PPP1R13B: variants seen among roughly 807,000 people sequenced by gnomAD.
The protein encoded by PPP1R13B is protein phosphatase 1 regulatory subunit 13B.
A neutral mutation model predicts 119.8 loss-of-function variants in PPP1R13B; 44 were observed. The observed-to-expected ratio is 0.37, with a 90% CI of 0.29 to 0.47. The LOEUF is 0.47. Among genes scored for constraint, PPP1R13B ranks in the 20% least tolerant of loss-of-function variants. PPP1R13B has a pLI of 0.99. For missense variants in PPP1R13B, 1,227 were observed against 1,413.5 expected, an observed-to-expected ratio of 0.87 and a Z score of 2.12; for synonymous variants, 542 against 561.5, an observed-to-expected ratio of 0.97 and a Z score of 0.49.
intron 1 of PPP1R13B, among the ~76,000 whole-genome samples, chr14:103,817,468 C>A (rs951046349): frequency 6.6e-6 from 1 of 151,180 alleles, no homozygotes; most frequent in African/African-American, 2.4e-5. Context: ...AAAAGTGAAA[C>A]CTAAAGGTTT....
At chr14:103,762,993 A>C (rs1186489636) in intron 4 of PPP1R13B, 17 of 1,426,988 alleles carry the variant, frequency 1.2e-5, no homozygotes, top group South Asian at 3.6e-5. Context: ...AAGAAAGACA[A>C]ACGGCAAAAT....
chr14:103,741,169 G>A (rs984029296), intron 11 of PPP1R13B, among the ~76,000 whole-genome samples: 6 of 152,236 alleles, frequency 3.9e-5, no homozygotes, highest in Non-Finnish European at 8.8e-5. Flanking sequence ...TGCAGCCAAT[G>A]CCCAGGAATG....
At chr14:103,781,712 C>T (rs1420532859) in intron 3 of PPP1R13B, among the ~76,000 whole-genome samples, 1 of 152,054 alleles carries the variant, frequency 6.6e-6, no homozygotes, top group African/African-American at 2.4e-5. Context: ...AGTGTAGTGG[C>T]GCGATCTCAG....
intron 2 of PPP1R13B, among the ~76,000 whole-genome samples, chr14:103,791,124 C>CTTCTT (rs140148659): frequency 6.9e-6 from 1 of 145,000 alleles, no homozygotes. Context: ...CTTTTTTCTT[C>CTTCTT]TTTTTTTTTT....
intron 1 of PPP1R13B, chr14:103,846,823 T>A (rs1471271356): frequency 2.1e-6 from 1 of 465,260 alleles, no homozygotes; most frequent in African/African-American, 2.0e-5. Flanking sequence ...GCTCTCCAAA[T>A]CCGTGCACTC....
chr14:103,737,495 G>T, intron 15 of PPP1R13B, 199 bp downstream of exon 15: 1 of 568,606 alleles, frequency 1.8e-6, no homozygotes, highest in Non-Finnish European at 2.9e-6. Flanking sequence ...AGGATCAATT[G>T]AGCCCGGGAG....
At chr14:103,754,008 C>T in intron 6 of PPP1R13B, 62 bp downstream of exon 6, 2 of 1,548,720 alleles carry the variant, frequency 1.3e-6, no homozygotes, top group Middle Eastern at 1.9e-4. Flanking sequence ...GGCAGTTAGA[C>T]TATGTTTCAC....
At chr14:103,826,215 T>C (rs2086537920) in intron 1 of PPP1R13B, among the ~76,000 whole-genome samples, 2 of 152,154 alleles carry the variant, frequency 1.3e-5, no homozygotes. Context: ...AAAAAATTTG[T>C]GTGACTCACT....
chr14:103,764,723 C>T (rs571840226), intron 4 of PPP1R13B, among the ~76,000 whole-genome samples: 2 of 151,864 alleles, frequency 1.3e-5, no homozygotes, highest in Admixed American at 1.3e-4. Context: ...TGTTTGGTTC[C>T]TTTTTCGGTC....
intron 8 of PPP1R13B, 57 bp downstream of exon 8, chr14:103,749,737 G>C: frequency 6.5e-7 from 1 of 1,548,486 alleles, no homozygotes. Flanking sequence ...CAGAAGATGG[G>C]CAATGCTTGG....
intron 4 of PPP1R13B, chr14:103,764,598 A>G (rs972754389): frequency 2.9e-5 from 5 of 174,638 alleles, no homozygotes; most frequent in African/African-American, 1.2e-4. Flanking sequence ...GAAAGTTTCA[A>G]AATGCTTATT....
At chr14:103,750,335 G>A (rs57361530) in intron 7 of PPP1R13B, among the ~76,000 whole-genome samples, 3,375 of 152,288 alleles carry the variant, frequency 0.022, 118 homozygotes, top group African/African-American at 0.077. Flanking sequence ...AAAAAGGATG[G>A]CCTGAGTCAC....
At chr14:103,834,496 A>T (rs1460284456) in intron 1 of PPP1R13B, among the ~76,000 whole-genome samples, 4 of 151,936 alleles carry the variant, frequency 2.6e-5, no homozygotes, top group Non-Finnish European at 2.9e-5. Flanking sequence ...GACTGACAGG[A>T]CACTGCATGA....
chr14:103,846,090 T>C (rs2087024306), intron 1 of PPP1R13B, among the ~76,000 whole-genome samples: 1 of 152,224 alleles, frequency 6.6e-6, no homozygotes, highest in African/African-American at 2.4e-5. Context: ...CCAGATCTTC[T>C]GATGCTCATC....
At chr14:103,790,935 C>T (rs1475914533) in intron 2 of PPP1R13B, among the ~76,000 whole-genome samples, 1 of 152,170 alleles carries the variant, frequency 6.6e-6, no homozygotes, top group African/African-American at 2.4e-5. Flanking sequence ...TCTAAATCTT[C>T]AGTGCAACCA....
intron 9 of PPP1R13B, chr14:103,743,963 G>C (rs959497537): frequency 6.6e-6 from 1 of 152,262 alleles, no homozygotes; most frequent in Non-Finnish European, 1.5e-5. Flanking sequence ...GCTCCAGGCA[G>C]CGGCTTCTGA....
At position 103,753,756 on chromosome 14, in the gene PPP1R13B, A is replaced by AT. The variant is rs199820360; in HGVS notation, c.631+313dup. On this transcript the variant is annotated intron_variant, in intron 6 of 16. Transcript: ENST00000202556. ...TCTGAGGGCCGCAAGAGATCTTTTT[A>AT]TTTTTTTTTGAGACAGGGTCTCATT... Among the ~76,000 whole-genome samples the AT allele has an allele frequency of 5.4e-3, 812 of 151,234 alleles. 5 individuals are homozygous for AT. The highest frequency in any genetic ancestry group is 0.018 in the African/African-American group (757 of 41,256).
chr14:103,739,840 G>A lies in PPP1R13B; in HGVS notation c.2576C>T (p.Pro859Leu). The A allele has an allele frequency of 6.2e-7, 1 of 1,608,622 alleles. No individual in the cohort carries two copies. ...PPAPLPPASH[P>L]PATSTNKRTN... ...GACACCCACCGTGGAGGTGGCAGGA[G>A]GGTGGCTGGCAGGGGGAAGAGGTGC... The change falls in exon 12 of 17, where the codon CCT (proline) becomes CTT (leucine). Residue 859 changes from proline to leucine, a missense_variant. Pro to Leu is a moderately conservative substitution (Grantham distance 98). Coordinates refer to ENST00000202556, the MANE Select transcript of PPP1R13B (RefSeq NM_015316.3).
chr14:103,794,756 A>T (rs1567129501), intron 2 of PPP1R13B: 3 of 304,580 alleles, frequency 9.8e-6, no homozygotes, highest in Non-Finnish European at 2.0e-5. Flanking sequence ...GATGGCATCC[A>T]CTGGAAGTTA....
Sources: gnomAD v4.1 joint callset for allele counts (sites outside exome capture counted in the v4.1 genomes callset) on GRCh38, gnomAD v4.1.1 for gene constraint, MANE v1.5 for transcripts, NCBI Gene and HGNC (gene_info 2026-07-23, HGNC 2026-07-21) for gene names.